Variants in HLA-C observed in about 807,000 individuals in gnomAD.
The protein encoded by HLA-C is major histocompatibility complex, class I, C.
In HLA-C, 15 loss-of-function variants were observed where a neutral mutation model predicts 36.9. The ratio of observed to expected loss-of-function variants is 0.41; its 90% CI spans 0.27 to 0.63. HLA-C has a LOEUF of 0.63. Among genes scored for constraint, HLA-C ranks in the 20% least tolerant of loss-of-function variants. The pLI, the probability that HLA-C is intolerant of heterozygous loss-of-function variation, is 0.35. For missense variants in HLA-C, 272 were observed against 400.4 expected (o/e 0.68, Z 2.74); for synonymous variants, 104 against 174.3 (o/e 0.60, Z 3.18).
At chr6:31,271,150 CTCA>C in exon 3 of HLA-C, 1 of 1,046,510 alleles carries the variant, frequency 9.6e-7, no homozygotes, top group Admixed American at 2.7e-5. Context: ...CAGGTAGGCT[CTCA>C]GCTGCTCCGC....
chr6:31,272,086 A>G, exon 1 of HLA-C: 1 of 991,404 alleles, frequency 1.0e-6, no homozygotes, highest in Admixed American at 3.1e-5. Context: ...GCCTCTGGGG[A>G]GAATGTGAGT....
chr6:31,272,044 G>T (rs2308527), exon 1 of HLA-C: 204,649 of 836,868 alleles, frequency 0.24, 77,079 homozygotes, highest in East Asian at 0.66. Flanking sequence ...AGCAGCAGGA[G>T]GAGGGCTCGG....
chr6:31,268,988 G>GTA, exon 8 of HLA-C: 1 of 672,334 alleles, frequency 1.5e-6, no homozygotes, highest in African/African-American at 1.8e-5. Context: ...ACACAGGTCA[G>GTA]TGTGGGGACA....
rs16895963 is a variant in HLA-C at position 31,271,777 on chromosome 6, C to T, written c.165G>A (p.Thr55=). 7 of 1,428,974 alleles carry T rather than the reference C, an allele frequency of 4.9e-6. No homozygotes were observed. In the African/African-American group the frequency reaches 1.1e-4, roughly 23 times the overall value. The allele number at this position is 1,428,974 out of a possible 1,614,324, so 88.5% of individuals were successfully genotyped here. Residue 55 remains threonine, a synonymous_variant, in exon 2 of 8, where the codon ACG becomes ACA. Transcript: ENST00000376228. Reference sequence around the variant, plus strand: ...CGTCGCTGTCGAACCGCACGAACTGCGTGTCGTCCACGTAGCCCACTGAGA... The same window carrying T: ...CGTCGCTGTCGAACCGCACGAACTGTGTGTCGTCCACGTAGCCCACTGAGA...
At chr6:31,272,053 G>C (rs878995294) in exon 1 of HLA-C, 3 of 1,019,084 alleles carry the variant, frequency 2.9e-6, no homozygotes, top group Non-Finnish European at 3.9e-6. Flanking sequence ...AGGAGGGCTC[G>C]GGGCGCCATG....
At chr6:31,270,651 A>G in intron 3 of HLA-C, 166 bp from the exon 4 acceptor site, 1 of 459,618 alleles carries the variant, frequency 2.2e-6, no homozygotes, top group Non-Finnish European at 3.5e-6. Flanking sequence ...TCTCCTATTC[A>G]TTGGAAAGTT....
At chr6:31,271,306 G>C in exon 3 of HLA-C, 1 of 1,123,736 alleles carries the variant, frequency 8.9e-7, no homozygotes, top group Non-Finnish European at 1.2e-6. Flanking sequence ...GCGCCCGTCG[G>C]GCCCCAGGTC....
chr6:31,271,529 T>G (rs7383157), intron 2 of HLA-C, 70 bp downstream of exon 2: 470,231 of 742,240 alleles, frequency 0.63, 210,126 homozygotes, highest in Middle Eastern at 0.81. Context: ...GGGGAGACTC[T>G]GGGCGACCCG....
At position 31,268,869 on chromosome 6, in the gene HLA-C, A is replaced by T. The variant is rs1130554; in HGVS notation, c.*300T>A. ...ACACAAATTTATATTCAGGTTCTTA[A>T]CTTCATTAGGGAAGTAAGAAGTTGC... On this transcript the variant is annotated 3_prime_UTR_variant, in exon 8 of 8. Transcript: ENST00000376228. 1,052 of 201,368 alleles carry T rather than the reference A, an allele frequency of 5.2e-3. 6 individuals are homozygous for T. Among genetic ancestry groups the T allele is most frequent in the African/African-American group, 8.7e-3 (238 of 27,430 alleles). 12.5% of individuals were successfully genotyped at this position (201,368 alleles called of 1,614,324 possible).
exon 4 of HLA-C, chr6:31,270,271 C>A: frequency 1.2e-6 from 1 of 845,110 alleles, no homozygotes; most frequent in Non-Finnish European, 1.5e-6. Flanking sequence ...TGTATCTCTG[C>A]TCTTGTCCAG....
At chr6:31,271,449 G>T (rs1410976458) in intron 2 of HLA-C, 101 bp from the exon 3 acceptor site, 37 of 793,846 alleles carry the variant, frequency 4.7e-5, no homozygotes, top group Middle Eastern at 4.4e-4. Flanking sequence ...CCGGGTAAAG[G>T]CGACTGGGGC....
At chr6:31,269,136 A>G (rs777877461) in exon 8 of HLA-C, 1 of 1,482,490 alleles carries the variant, frequency 6.7e-7, no homozygotes, top group Non-Finnish European at 9.1e-7. Context: ...GTGTGAAGAA[A>G]TCCTGCATCT....
At position 31,268,845 on chromosome 6, in the gene HLA-C, C is replaced by A. The variant is rs1130538; in HGVS notation, c.*324G>T. 83,226 of 194,304 alleles carry A rather than the reference C, an allele frequency of 0.43. 29,384 individuals carry two copies. The highest frequency in any genetic ancestry group is 0.71 in the East Asian group (8,525 of 12,066). The allele number at this position is 194,304 out of a possible 1,614,324, so 12.0% of individuals were successfully genotyped here. A position where few individuals can be genotyped will look rare whatever the true frequency, so the allele number is the denominator to read the frequency against. On this transcript the variant is annotated 3_prime_UTR_variant, in exon 8 of 8. Transcript: ENST00000376228. Reference sequence around the variant, plus strand: ...ACGCTTCATAGCAAATATTTGAGAACACAAATTTATATTCAGGTTCTTAAC... The same window carrying A: ...ACGCTTCATAGCAAATATTTGAGAAAACAAATTTATATTCAGGTTCTTAAC...
exon 8 of HLA-C, chr6:31,268,967 T>C (rs1038862488): frequency 2.7e-3 from 1,474 of 542,084 alleles, no homozygotes; most frequent in Non-Finnish European, 3.8e-3. Flanking sequence ...GGAAAGATGA[T>C]CGGGGAGGGA....
chr6:31,271,923 C>T lies in HLA-C; in HGVS notation c.74-55G>A, dbSNP rs1188298230. 3.8e-5 allele frequency: 44 copies of T among 1,156,982 alleles called. 12 individuals are homozygous for T. Among genetic ancestry groups the T allele is most frequent in the Non-Finnish European group, 5.0e-5 (44 of 875,094 alleles). 71.7% of individuals were successfully genotyped at this position (1,156,982 alleles called of 1,614,324 possible). ...CGACCCACCTCCCTGCGCGGCTCCC[C>T]GGGTCCTGCGCCCTCGCCGGGAGGG... On this transcript the variant is annotated intron_variant, in intron 1 of 7. Transcript: ENST00000376228.
At chr6:31,271,710 G>C (rs751611903) in exon 2 of HLA-C, 1 of 1,512,972 alleles carries the variant, frequency 6.6e-7, no homozygotes, top group Non-Finnish European at 8.9e-7. Context: ...GGCCCCTCCT[G>C]CTCCACCCAC....
At position 31,271,362 on chromosome 6, in the gene HLA-C, C is replaced by T. The variant is rs1269703976; in HGVS notation, c.344-14G>A. The T allele has an allele frequency of 1.3e-5, 12 of 929,386 alleles. 5 individuals carry two copies. The highest frequency in any genetic ancestry group is 1.7e-5 in the Non-Finnish European group (12 of 713,064). The allele number at this position is 929,386 out of a possible 1,614,324, so 57.6% of individuals were successfully genotyped here. A position where few individuals can be genotyped will look rare whatever the true frequency, so the allele number is the denominator to read the frequency against. ...GGGTGTGAGACCCTGGCCCCGCCCC[C>T]GCGGTCAGCCCAGTCCCCCGAGCCC... On this transcript the variant is annotated splice_polypyrimidine_tract_variant and intron_variant, in intron 2 of 7. Coordinates refer to ENST00000376228, the Ensembl canonical transcript of HLA-C.
At chr6:31,269,252 C>G in intron 7 of HLA-C, 79 bp from the exon 8 acceptor site, 1 of 929,250 alleles carries the variant, frequency 1.1e-6, no homozygotes, top group Non-Finnish European at 1.5e-6. Flanking sequence ...ACCACACACT[C>G]GAAACGTCCC....
Position 31,271,712 on chromosome 6 carries a change from TC to T in HLA-C, c.229del (p.Glu77SerfsTer24). ...GTCCCAATACTCCGGCCCCTCCTGC[TC>T]CACCCACGGCGCCCGCGGCTCCCCT... On this transcript the variant is annotated frameshift_variant, in exon 2 of 8. Coordinates refer to ENST00000376228, the Ensembl canonical transcript of HLA-C. LOFTEE classifies it high-confidence loss of function. The T allele has an allele frequency of 6.6e-7, 1 of 1,512,118 alleles. No individual in the cohort carries two copies. The highest frequency in any genetic ancestry group is 8.9e-7 in the Non-Finnish European group (1 of 1,123,088). The allele number at this position is 1,512,118 out of a possible 1,614,324, so 93.7% of individuals were successfully genotyped here.
Sources: allele counts gnomAD v4.1 joint callset, GRCh38; gene constraint gnomAD v4.1.1; transcripts MANE v1.5; gene names NCBI Gene and HGNC (gene_info 2026-07-23, HGNC 2026-07-21).